TTC27: variants seen among roughly 807,000 people sequenced by gnomAD.
TTC27 encodes the protein tetratricopeptide repeat protein 27.
In TTC27, 79 loss-of-function variants were observed where a neutral mutation model predicts 115.9. The observed-to-expected ratio is 0.68, with a 90% CI of 0.57 to 0.82. The LOEUF is 0.82. TTC27 is among the 40% of genes least tolerant of loss of function. TTC27 has a pLI of 0.00. For missense variants in TTC27, 1,054 were observed against 993.1 expected, an observed-to-expected ratio of 1.06 and a Z score of -0.82; for synonymous variants, 401 against 356.0, an observed-to-expected ratio of 1.13 and a Z score of -1.42.
At chr2:32,707,893 C>T (rs1433294150) in intron 10 of TTC27, among the ~76,000 whole-genome samples, 1 of 151,540 alleles carries the variant, frequency 6.6e-6, no homozygotes, top group Non-Finnish European at 1.5e-5. Context: ...AGGATTGGGG[C>T]AGCTGGGGCA....
intron 12 of TTC27, among the ~76,000 whole-genome samples, chr2:32,752,442 C>T (rs564336557): frequency 3.7e-4 from 56 of 152,294 alleles, no homozygotes; most frequent in African/African-American, 1.3e-3. Context: ...AGATTTTAGT[C>T]AAGCAGTTGA....
chr2:32,758,248 A>G, intron 12 of TTC27, 44 bp from the exon 13 acceptor site: 1 of 1,541,164 alleles, frequency 6.5e-7, no homozygotes, highest in South Asian at 1.2e-5. Flanking sequence ...AAAAAATAGC[A>G]GTTAATCACT....
chr2:32,820,386 C>T (rs1671648641), intron 19 of TTC27, among the ~76,000 whole-genome samples: 1 of 152,128 alleles, frequency 6.6e-6, no homozygotes, highest in Non-Finnish European at 1.5e-5. Flanking sequence ...TCTTTGTGGT[C>T]TCTGAGGCCT....
Position 32,783,953 on chromosome 2 carries a change from G to A in TTC27, c.1832+1275G>A, listed in dbSNP as rs182948931. Among the ~76,000 whole-genome samples the A allele has an allele frequency of 3.3e-5, 5 of 152,302 alleles. No individual in the cohort carries two copies. The East Asian group carries it at 9.6e-4, about 29-fold the overall frequency. ...CATCATTAAATCCATATTACGTAGA[G>A]ATCATGAAATGCTGCCTCTGCTCTT... On this transcript the variant is annotated intron_variant, in intron 15 of 19. Coordinates refer to ENST00000317907, the MANE Select transcript of TTC27 (RefSeq NM_017735.5).
intron 5 of TTC27, among the ~76,000 whole-genome samples, chr2:32,658,585 G>C (rs1474364090): frequency 6.6e-6 from 1 of 152,172 alleles, no homozygotes; most frequent in African/African-American, 2.4e-5. Context: ...ATCAGCCTTT[G>C]TGTTCCATTC....
intron 5 of TTC27, among the ~76,000 whole-genome samples, chr2:32,661,401 G>C (rs1365551324): frequency 6.6e-6 from 1 of 152,146 alleles, no homozygotes; most frequent in African/African-American, 2.4e-5. Flanking sequence ...CTATCCATGA[G>C]CATGGAATGT....
At chr2:32,736,066 A>C (rs1220963997) in intron 11 of TTC27, among the ~76,000 whole-genome samples, 2 of 152,096 alleles carry the variant, frequency 1.3e-5, no homozygotes, top group East Asian at 1.9e-4. Context: ...TAAATCTTTA[A>C]ATTTTTTTTC....
intron 18 of TTC27, among the ~76,000 whole-genome samples, chr2:32,815,767 A>G (rs1309907814): frequency 6.6e-6 from 1 of 152,204 alleles, no homozygotes; most frequent in African/African-American, 2.4e-5. Context: ...CTCTACTAAG[A>G]GAAACAGATT....
chr2:32,692,975 C>CAAA (rs554664495), intron 9 of TTC27, among the ~76,000 whole-genome samples: 1 of 105,502 alleles, frequency 9.5e-6, no homozygotes, highest in African/African-American at 3.3e-5. Flanking sequence ...GACTCTGTCT[C>CAAA]AAAAAAAAAA....
intron 12 of TTC27, among the ~76,000 whole-genome samples, chr2:32,744,696 G>T (rs572798993): frequency 6.6e-6 from 1 of 152,152 alleles, no homozygotes; most frequent in African/African-American, 2.4e-5. Context: ...TGTTAGTTTA[G>T]CTTGTTCATG....
At chr2:32,689,869 T>C (rs1666755047) in intron 9 of TTC27, among the ~76,000 whole-genome samples, 1 of 152,226 alleles carries the variant, frequency 6.6e-6, no homozygotes, top group African/African-American at 2.4e-5. Context: ...ATATGATTTC[T>C]AGCAACTTGT....
chr2:32,641,977 T>C (rs1448778122), intron 4 of TTC27, among the ~76,000 whole-genome samples: 1 of 152,200 alleles, frequency 6.6e-6, no homozygotes, highest in Non-Finnish European at 1.5e-5. Context: ...TGCCTCAGCC[T>C]CCCAAGTAGC....
chr2:32,628,706 T>A (rs546434162), intron 1 of TTC27, among the ~76,000 whole-genome samples: 1 of 152,214 alleles, frequency 6.6e-6, no homozygotes, highest in East Asian at 1.9e-4. Flanking sequence ...TGAAGATCTG[T>A]AAATACAGTT....
intron 14 of TTC27, among the ~76,000 whole-genome samples, chr2:32,780,808 A>G (rs980745623): frequency 2.0e-5 from 3 of 149,408 alleles, no homozygotes; most frequent in Admixed American, 1.3e-4. Flanking sequence ...TATTAATTAT[A>G]TCTTGCAACC....
chr2:32,780,050 A>G (rs369159701), intron 14 of TTC27: 7 of 461,762 alleles, frequency 1.5e-5, no homozygotes, highest in East Asian at 7.0e-5. Context: ...TTCATTGACT[A>G]TAGGTCTGTG....
chr2:32,796,854 A>G (rs1003481936), intron 16 of TTC27, among the ~76,000 whole-genome samples: 10 of 152,236 alleles, frequency 6.6e-5, no homozygotes, highest in Middle Eastern at 3.4e-3. Flanking sequence ...TATATGGTCA[A>G]AGGATTTTTT....
rs1389978140 is a variant in TTC27 at position 32,664,313 on chromosome 2, A to G, written c.651A>G (p.Leu217=). ...AENCIDQVMK[L]QNLFVDDSGR... ...TCTTTTGTCTTGCAGTGATGAAACTACAGAATCTGTTTGTAGATGATTCAG... is the reference window on the plus strand; with the variant it reads ...TCTTTTGTCTTGCAGTGATGAAACTGCAGAATCTGTTTGTAGATGATTCAG... Residue 217 remains leucine (L), a synonymous_variant, in exon 6 of 20, where the codon CTA becomes CTG. Transcript: ENST00000317907. The G allele has an allele frequency of 6.3e-7, 1 of 1,597,388 alleles. No homozygotes were observed. The highest frequency in any genetic ancestry group is 1.1e-5 in the South Asian group (1 of 88,020).
intron 19 of TTC27, among the ~76,000 whole-genome samples, chr2:32,819,221 G>A (rs1419986499): frequency 6.6e-6 from 1 of 151,906 alleles, no homozygotes; most frequent in Non-Finnish European, 1.5e-5. Context: ...GAATAGTATT[G>A]TCTGTGCAGG....
At chr2:32,691,467 T>C (rs912192517) in intron 9 of TTC27, among the ~76,000 whole-genome samples, 4 of 151,954 alleles carry the variant, frequency 2.6e-5, no homozygotes, top group African/African-American at 9.7e-5. Flanking sequence ...CCCAGCTAAT[T>C]TTTGTATTTT....
Sources: gnomAD v4.1 joint callset for allele counts (sites outside exome capture counted in the v4.1 genomes callset) on GRCh38, gnomAD v4.1.1 for gene constraint, MANE v1.5 for transcripts, NCBI Gene and HGNC (gene_info 2026-07-23, HGNC 2026-07-21) for gene names.